The following GPHN variants were observed in gnomAD, a reference collection of about 807,000 sequenced individuals.
The protein encoded by GPHN is gephyrin.
In GPHN, 17 loss-of-function variants were observed where a neutral mutation model predicts 95.5. That is an observed-to-expected ratio of 0.18 (90% CI 0.12 to 0.27). The LOEUF (loss-of-function observed/expected upper bound fraction) is 0.27, where lower values mean the gene tolerates loss of function less well. Ranked by LOEUF, GPHN falls within the 10% of genes least tolerant of loss-of-function variation. GPHN has a pLI of 1.00. For missense variants in GPHN, 660 were observed against 978.1 expected, an observed-to-expected ratio of 0.67 and a Z score of 4.34; for synonymous variants, 320 against 322.5, an observed-to-expected ratio of 0.99 and a Z score of 0.08.
intron 5 of GPHN, among the ~76,000 whole-genome samples, chr14:66,900,666 T>G (rs556202850): frequency 6.6e-6 from 1 of 152,046 alleles, no homozygotes; most frequent in Non-Finnish European, 1.5e-5. Context: ...CTTGCCTTGT[T>G]TCATTTAACA....
intron 2 of GPHN, among the ~76,000 whole-genome samples, chr14:66,711,587 C>CTT (rs57175111): frequency 2.9e-4 from 38 of 130,952 alleles, no homozygotes; most frequent in Non-Finnish European, 3.5e-4. Flanking sequence ...AATGGTAGTT[C>CTT]TTTTTTTTTT....
intron 4 of GPHN, among the ~76,000 whole-genome samples, chr14:66,838,728 A>T (rs2061960381): frequency 6.6e-6 from 1 of 152,162 alleles, no homozygotes; most frequent in Non-Finnish European, 1.5e-5. Context: ...TACTGTCTGG[A>T]ATCAGGAATA....
intron 2 of GPHN, among the ~76,000 whole-genome samples, chr14:66,767,403 C>T (rs2059000555): frequency 6.8e-6 from 1 of 147,172 alleles, no homozygotes. Context: ...GATTATCATC[C>T]TTTCTATTTG....
chr14:67,574,353 G>T, the GPHN span: 4 of 1,595,964 alleles, frequency 2.5e-6, no homozygotes, highest in South Asian at 4.5e-5. This position sits in a 1 kb window ranked among gnomAD's most constrained non-coding sequence, Gnocchi z 4.2. Flanking sequence ...CGGGCCTCCA[G>T]CTCTGCTTCG....
At chr14:66,553,555 C>A (rs758381559) in intron 1 of GPHN, among the ~76,000 whole-genome samples, 3 of 151,916 alleles carry the variant, frequency 2.0e-5, no homozygotes, top group Non-Finnish European at 4.4e-5. Context: ...TTAATCCTCT[C>A]CAATAATATT....
chr14:67,584,653 C>A, the GPHN span, among the ~76,000 whole-genome samples: 2 of 152,162 alleles, frequency 1.3e-5, no homozygotes, highest in Non-Finnish European at 2.9e-5. Flanking sequence ...AGCCACAGAT[C>A]GGAAAATGGC....
At chr14:66,617,670 A>G (rs2063108622) in intron 1 of GPHN, among the ~76,000 whole-genome samples, 1 of 152,180 alleles carries the variant, frequency 6.6e-6, no homozygotes, top group African/African-American at 2.4e-5. Flanking sequence ...AGTCTTAATC[A>G]GATTAAGGAA....
At chr14:66,566,207 C>T (rs1470354152) in intron 1 of GPHN, among the ~76,000 whole-genome samples, 2 of 151,950 alleles carry the variant, frequency 1.3e-5, no homozygotes, top group African/African-American at 4.8e-5. Context: ...GAACCTTAAA[C>T]TTAAAGCATC....
chr14:67,051,571 G>T (rs1450967424), intron 10 of GPHN, among the ~76,000 whole-genome samples: 1 of 152,166 alleles, frequency 6.6e-6, no homozygotes, highest in East Asian at 1.9e-4. Context: ...AACCTAGCAA[G>T]ATAGGCCAAC....
chr14:66,892,663 TATATAAGGACAAATGTGTGATTCCA>T, intron 5 of GPHN, among the ~76,000 whole-genome samples: 1 of 152,278 alleles, frequency 6.6e-6, no homozygotes, highest in East Asian at 1.9e-4. Context: ...TAAGCCAGAT[TATATAAGGACAAATGTGTGATTCCA>T]CTTACATGAA....
intron 4 of GPHN, among the ~76,000 whole-genome samples, chr14:66,852,918 A>G (rs959927239): frequency 1.3e-5 from 2 of 152,216 alleles, no homozygotes; most frequent in African/African-American, 4.8e-5. Flanking sequence ...GTATCTTATT[A>G]TAACATCTAT....
chr14:67,243,592 A>C, the GPHN span, among the ~76,000 whole-genome samples: 1 of 144,342 alleles, frequency 6.9e-6, no homozygotes, highest in East Asian at 2.0e-4. Context: ...TCCCGGGTTC[A>C]CGCCATTTTT....
intron 8 of GPHN, among the ~76,000 whole-genome samples, chr14:66,944,726 G>A (rs982126619): frequency 7.2e-5 from 11 of 152,330 alleles, no homozygotes; most frequent in East Asian, 3.9e-4. Context: ...GAAGAACTTC[G>A]TATTCTTATG....
At chr14:67,662,592 G>T in the GPHN span, 1 of 1,478,212 alleles carries the variant, frequency 6.8e-7, no homozygotes, top group East Asian at 2.3e-5. Flanking sequence ...ATTTGTAAAG[G>T]CCATTCCCTC....
At chr14:67,377,152 C>T in the GPHN span, among the ~76,000 whole-genome samples, 1 of 152,152 alleles carries the variant, frequency 6.6e-6, no homozygotes, top group African/African-American at 2.4e-5. Context: ...TCTCTCTTAT[C>T]CAACATAGGC....
intron 4 of GPHN, among the ~76,000 whole-genome samples, chr14:66,826,587 C>G (rs2061395795): frequency 1.3e-5 from 2 of 152,110 alleles, no homozygotes; most frequent in African/African-American, 4.8e-5. Context: ...GTCCCCCACC[C>G]CACTCTGCAT....
the GPHN span, among the ~76,000 whole-genome samples, chr14:67,482,560 G>T: frequency 3.2e-4 from 49 of 152,290 alleles, no homozygotes; most frequent in African/African-American, 1.2e-3. Context: ...ATGTTCTGGG[G>T]AGACCCACAG....
the GPHN span, among the ~76,000 whole-genome samples, chr14:67,433,311 A>G: frequency 6.6e-6 from 1 of 152,210 alleles, no homozygotes; most frequent in Non-Finnish European, 1.5e-5. Flanking sequence ...TTTAGTGAGC[A>G]TGAGAATGAG....
At chr14:67,150,463 A>AAAC (rs2081207576) in intron 18 of GPHN, among the ~76,000 whole-genome samples, 1 of 149,622 alleles carries the variant, frequency 6.7e-6, no homozygotes, top group African/African-American at 2.4e-5. Flanking sequence ...CAAAAAAAAA[A>AAAC]AAAAAAAAAA....
Sources: allele counts gnomAD v4.1 joint callset (sites outside exome capture counted in the v4.1 genomes callset), GRCh38; gene constraint gnomAD v4.1.1; non-coding constraint Gnocchi (gnomAD v3.1); transcripts MANE v1.5; gene names NCBI Gene and HGNC (gene_info 2026-07-23, HGNC 2026-07-21).